Variants in COBL observed in about 807,000 individuals in gnomAD.
COBL encodes protein cordon-bleu.
In COBL, 51 loss-of-function variants were observed where a neutral mutation model predicts 98.8. That is an observed-to-expected ratio of 0.52 (90% CI 0.41 to 0.65). The LOEUF (loss-of-function observed/expected upper bound fraction) is 0.65, where lower values mean the gene tolerates loss of function less well. Ranked by LOEUF, COBL falls within the 30% of genes least tolerant of loss-of-function variation. COBL has a pLI of 0.00. For synonymous variants in COBL, 634 were observed against 651.7 expected, an observed-to-expected ratio of 0.97 and a Z score of 0.41; for missense variants, 1,617 against 1,617.5, an observed-to-expected ratio of 1.00 and a Z score of 0.01.
At chr7:51,133,191 T>G (rs1318172135) in intron 6 of COBL, among the ~76,000 whole-genome samples, 1 of 147,088 alleles carries the variant, frequency 6.8e-6, no homozygotes, top group Non-Finnish European at 1.5e-5. Context: ...GAAAATCCTG[T>G]GCAGAACAGA....
intron 7 of COBL, among the ~76,000 whole-genome samples, chr7:51,058,683 G>A (rs548019790): frequency 5.9e-5 from 9 of 152,268 alleles, no homozygotes; most frequent in East Asian, 3.9e-4. Flanking sequence ...TCTGTAAAAC[G>A]GGGATAAGAA....
At chr7:51,190,510 C>T (rs914131066) in intron 4 of COBL, among the ~76,000 whole-genome samples, 3 of 152,162 alleles carry the variant, frequency 2.0e-5, no homozygotes, top group African/African-American at 7.2e-5. Flanking sequence ...GCCACCAACC[C>T]ACAAGAAAGT....
At chr7:51,088,411 GT>G (rs1267181532) in intron 6 of COBL, among the ~76,000 whole-genome samples, 1 of 133,846 alleles carries the variant, frequency 7.5e-6, no homozygotes, top group African/African-American at 2.8e-5. Flanking sequence ...TTTTTTTTTT[GT>G]TTTTTGTTTT....
At chr7:51,097,422 T>C (rs1207717163) in intron 6 of COBL, among the ~76,000 whole-genome samples, 2 of 152,178 alleles carry the variant, frequency 1.3e-5, no homozygotes, top group Admixed American at 1.3e-4. Flanking sequence ...CCATTTCTAT[T>C]GAAAATAGTG....
intron 1 of COBL, among the ~76,000 whole-genome samples, chr7:51,261,241 G>A (rs1436154691): frequency 6.6e-6 from 1 of 152,214 alleles, no homozygotes; most frequent in Non-Finnish European, 1.5e-5. Flanking sequence ...GGCTGGGCGT[G>A]GTGGCACACG....
intron 7 of COBL, among the ~76,000 whole-genome samples, chr7:51,067,427 G>A (rs555303550): frequency 1.4e-4 from 22 of 152,326 alleles, no homozygotes; most frequent in African/African-American, 5.3e-4. Context: ...GATACACAAT[G>A]TGCACATGTA....
chr7:51,267,048 C>T (rs990464986), intron 1 of COBL, among the ~76,000 whole-genome samples: 4 of 152,138 alleles, frequency 2.6e-5, no homozygotes, highest in Non-Finnish European at 5.9e-5. Context: ...AAGATACCCT[C>T]TCAATTTTTA....
Position 51,207,602 on chromosome 7 carries a change from G to A in COBL, c.245+12139C>T, listed in dbSNP as rs113145893. ...GCGCCACCACACCTGACTGGTTTTC[G>A]TATTTTTTTGGTGGAGACGGGGTTT... is the stretch of plus-strand genomic sequence containing the variant. On this transcript the variant is annotated intron_variant, in intron 2 of 12. Coordinates refer to ENST00000265136, the MANE Select transcript of COBL (RefSeq NM_015198.5). 5.7e-4 allele frequency among the ~76,000 whole-genome samples: 87 copies of A among 151,322 alleles called. No homozygotes were observed. The Middle Eastern group carries it at 0.014, about 24-fold the overall frequency.
chr7:51,101,446 G>A (rs1795795411), intron 6 of COBL, among the ~76,000 whole-genome samples: 1 of 152,180 alleles, frequency 6.6e-6, no homozygotes, highest in South Asian at 2.1e-4. Flanking sequence ...AGAAACTGAA[G>A]ATTACGAAAG....
intron 1 of COBL, among the ~76,000 whole-genome samples, chr7:51,242,070 G>A (rs1467430216): frequency 1.3e-5 from 2 of 152,170 alleles, no homozygotes; most frequent in African/African-American, 4.8e-5. Flanking sequence ...CTGGTCTCAG[G>A]CCAAGTCTTC....
chr7:51,108,943 C>G (rs1156398614), intron 6 of COBL, among the ~76,000 whole-genome samples: 3 of 50,970 alleles, frequency 5.9e-5, no homozygotes, highest in Admixed American at 2.2e-4. Flanking sequence ...CACACACACA[C>G]ACACACACAC....
At chr7:51,041,176 T>C (rs1789154618) in intron 8 of COBL, among the ~76,000 whole-genome samples, 1 of 152,332 alleles carries the variant, frequency 6.6e-6, no homozygotes, top group African/African-American at 2.4e-5. Context: ...GTTGCTGCCT[T>C]TGAATTTCCT....
intron 1 of COBL, among the ~76,000 whole-genome samples, chr7:51,269,403 C>T (rs1203875992): frequency 6.6e-6 from 1 of 152,210 alleles, no homozygotes; most frequent in Non-Finnish European, 1.5e-5. Context: ...GAGGCCAGCA[C>T]TTGTCATGCC....
chr7:51,132,642 G>GA (rs1798858195), intron 6 of COBL, among the ~76,000 whole-genome samples: 1 of 152,170 alleles, frequency 6.6e-6, no homozygotes, highest in South Asian at 2.1e-4. Flanking sequence ...TTGCTCTAAA[G>GA]AAACACCTGA....
chr7:51,122,223 G>T (rs760666407), intron 6 of COBL, among the ~76,000 whole-genome samples: 1 of 152,204 alleles, frequency 6.6e-6, no homozygotes, highest in Non-Finnish European at 1.5e-5. Context: ...AAAGGTAGAC[G>T]TTAAGCAACT....
intron 5 of COBL, among the ~76,000 whole-genome samples, chr7:51,173,064 C>T (rs1788034747): frequency 1.3e-5 from 2 of 152,154 alleles, no homozygotes; most frequent in Non-Finnish European, 2.9e-5. Context: ...GCTAGGATTA[C>T]AGGTGTGAGC....
chr7:51,152,821 C>T (rs986880947), intron 5 of COBL, among the ~76,000 whole-genome samples: 7 of 152,142 alleles, frequency 4.6e-5, no homozygotes, highest in African/African-American at 7.2e-5. Context: ...CAGAGGCTGG[C>T]GATGGTCTTA....
In COBL at chr7:51,243,540, A is replaced by G. The variant is rs1037445410; in HGVS notation, c.42-23596T>C. Among the ~76,000 whole-genome samples the G allele has an allele frequency of 8.5e-5, 13 of 152,194 alleles. No homozygotes were observed. The East Asian group carries it at 2.5e-3, about 29-fold the overall frequency. On this transcript the variant is annotated intron_variant, in intron 1 of 12. Transcript: ENST00000265136. The stretch of plus-strand genomic sequence containing the variant: ...TGTGGGGATCATGGTGAACAGTTAA[A>G]CTCTGGTGCACCCGTGCCACGGGCT...
At chr7:51,105,976 T>C (rs1469601949) in intron 6 of COBL, among the ~76,000 whole-genome samples, 1 of 149,342 alleles carries the variant, frequency 6.7e-6, no homozygotes, top group Non-Finnish European at 1.5e-5. Flanking sequence ...CCCCACTGCC[T>C]GAGGTCAGGA....
Sources: gnomAD v4.1 joint callset for allele counts (sites outside exome capture counted in the v4.1 genomes callset) on GRCh38, gnomAD v4.1.1 for gene constraint, MANE v1.5 for transcripts, NCBI Gene and HGNC (gene_info 2026-07-23, HGNC 2026-07-21) for gene names.